Variants in GRIK1 observed in about 807,000 individuals in gnomAD.
GRIK1 encodes glutamate receptor ionotropic, kainate 1.
A neutral mutation model predicts 105.7 loss-of-function variants in GRIK1; 69 were observed. That is an observed-to-expected ratio of 0.65 (90% CI 0.54 to 0.80). The LOEUF is 0.80. Among genes scored for constraint, GRIK1 ranks in the 30% least tolerant of loss-of-function variants. The pLI, the probability that GRIK1 is intolerant of heterozygous loss-of-function variation, is 0.00. For synonymous variants in GRIK1, 438 were observed against 431.3 expected, an observed-to-expected ratio of 1.02 and a Z score of -0.19; for missense variants, 1,109 against 1,167.3, an observed-to-expected ratio of 0.95 and a Z score of 0.73.
At chr21:29,707,870 T>C (rs2063956808) in intron 1 of GRIK1, among the ~76,000 whole-genome samples, 1 of 152,212 alleles carries the variant, frequency 6.6e-6, no homozygotes, top group Non-Finnish European at 1.5e-5. Flanking sequence ...TAATATTTCA[T>C]TGTCTGGATA....
chr21:29,695,127 T>C (rs1363747103), intron 1 of GRIK1, among the ~76,000 whole-genome samples: 1 of 152,228 alleles, frequency 6.6e-6, no homozygotes, highest in Non-Finnish European at 1.5e-5. Flanking sequence ...TCACTGCAAG[T>C]AACAGTACAA....
At chr21:29,859,384 T>C (rs2068568048) in intron 1 of GRIK1, among the ~76,000 whole-genome samples, 1 of 142,300 alleles carries the variant, frequency 7.0e-6, no homozygotes, top group Non-Finnish European at 1.5e-5. Flanking sequence ...ATATATAAAA[T>C]AAAATGAAAT....
At chr21:29,896,544 A>T (rs138488680) in intron 1 of GRIK1, among the ~76,000 whole-genome samples, 4 of 152,364 alleles carry the variant, frequency 2.6e-5, no homozygotes, top group African/African-American at 9.6e-5. Context: ...TTTTGAATGA[A>T]TGAATTTTAT....
At chr21:29,625,692 C>G (rs2062109345) in intron 7 of GRIK1, among the ~76,000 whole-genome samples, 1 of 152,206 alleles carries the variant, frequency 6.6e-6, no homozygotes, top group Admixed American at 6.5e-5. Context: ...GCTTTCATGT[C>G]TCTCTTCATG....
intron 12 of GRIK1, among the ~76,000 whole-genome samples, chr21:29,585,734 A>G (rs973804605): frequency 2.0e-5 from 3 of 152,252 alleles, no homozygotes; most frequent in Non-Finnish European, 4.4e-5. Context: ...ACCTTAGGAT[A>G]GTCATTTATT....
At chr21:29,869,769 G>C (rs145327568) in intron 1 of GRIK1, among the ~76,000 whole-genome samples, 63 of 152,164 alleles carry the variant, frequency 4.1e-4, no homozygotes, top group African/African-American at 1.5e-3. Context: ...TCCATTGTAG[G>C]AAAACATAAA....
intron 1 of GRIK1, among the ~76,000 whole-genome samples, chr21:29,866,497 A>T (rs2068806572): frequency 6.6e-6 from 1 of 152,164 alleles, no homozygotes; most frequent in Admixed American, 6.5e-5. Context: ...AATTTAGCCC[A>T]TTAGTTACTG....
At chr21:29,869,211 T>C (rs1477012132) in intron 1 of GRIK1, among the ~76,000 whole-genome samples, 1 of 152,194 alleles carries the variant, frequency 6.6e-6, no homozygotes, top group Non-Finnish European at 1.5e-5. Context: ...ATATTTTTAC[T>C]GGTCTTTATT....
At position 29,589,597 on chromosome 21, in the gene GRIK1, A is replaced by AT. The variant is rs5843394; in HGVS notation, c.1366-556dup. Among the ~76,000 whole-genome samples the AT allele has an allele frequency of 4.0e-5, 6 of 150,438 alleles. No homozygotes were observed. The East Asian group carries it at 7.9e-4, about 20-fold the overall frequency. ...CCACCACGCCTGACTATTTTTTTGTATTTTTTTTTAGTAGAGACGGGGTTT... is the reference window on the plus strand; with the variant it reads ...CCACCACGCCTGACTATTTTTTTGTATTTTTTTTTTAGTAGAGACGGGGTTT... On this transcript the variant is annotated intron_variant, in intron 10 of 17. Coordinates refer to ENST00000327783, the MANE Select transcript of GRIK1 (RefSeq NM_001330994.2).
At chr21:29,550,576 C>A (rs1263582205) in intron 16 of GRIK1, among the ~76,000 whole-genome samples, 1 of 152,202 alleles carries the variant, frequency 6.6e-6, no homozygotes, top group Non-Finnish European at 1.5e-5. Context: ...AGAGCTTCTA[C>A]TATAGATCTT....
chr21:29,791,792 A>G (rs1197272655), intron 1 of GRIK1, among the ~76,000 whole-genome samples: 1 of 152,202 alleles, frequency 6.6e-6, no homozygotes, highest in Non-Finnish European at 1.5e-5. Flanking sequence ...GGAAGAACCA[A>G]GATGAAATTT....
chr21:29,892,106 T>C (rs2069924592), intron 1 of GRIK1, among the ~76,000 whole-genome samples: 1 of 152,204 alleles, frequency 6.6e-6, no homozygotes, highest in African/African-American at 2.4e-5. Flanking sequence ...TCAGAGTGAT[T>C]CCTTCTGCCT....
chr21:29,712,153 T>C (rs939792219), intron 1 of GRIK1, among the ~76,000 whole-genome samples: 3 of 149,672 alleles, frequency 2.0e-5, no homozygotes, highest in African/African-American at 7.3e-5. Flanking sequence ...TCATACTGCA[T>C]ATAAAATGTT....
intron 7 of GRIK1, among the ~76,000 whole-genome samples, chr21:29,631,994 A>AAG (rs2062285741): frequency 6.6e-6 from 1 of 151,860 alleles, no homozygotes; most frequent in Non-Finnish European, 1.5e-5. Context: ...GAAAAAAAAA[A>AAG]GAGGCAGCCA....
chr21:29,923,720 A>C (rs1225027479), intron 1 of GRIK1, among the ~76,000 whole-genome samples: 2 of 152,322 alleles, frequency 1.3e-5, no homozygotes, highest in Non-Finnish European at 2.9e-5. Flanking sequence ...AAGGTGGGCA[A>C]ATTTGATGTT....
intron 1 of GRIK1, among the ~76,000 whole-genome samples, chr21:29,771,084 C>A (rs562431615): frequency 6.8e-4 from 104 of 152,180 alleles, no homozygotes; most frequent in Non-Finnish European, 1.2e-3. Flanking sequence ...ACATGTAACT[C>A]TATCAAAATA....
chr21:29,793,680 C>T (rs1000934084), intron 1 of GRIK1, among the ~76,000 whole-genome samples: 1 of 152,070 alleles, frequency 6.6e-6, no homozygotes, highest in African/African-American at 2.4e-5. Context: ...TTCAGGTTAA[C>T]TAGAAAGGGC....
At chr21:29,740,725 T>A (rs2064905713) in intron 1 of GRIK1, among the ~76,000 whole-genome samples, 1 of 152,212 alleles carries the variant, frequency 6.6e-6, no homozygotes, top group Non-Finnish European at 1.5e-5. Context: ...CCTTTAATGT[T>A]TGATAGGAAA....
chr21:29,888,805 G>A (rs570273069), intron 1 of GRIK1, among the ~76,000 whole-genome samples: 44 of 152,276 alleles, frequency 2.9e-4, no homozygotes, highest in African/African-American at 1.0e-3. Flanking sequence ...CCACCATCTG[G>A]TCTCCACTAT....
Sources: allele counts gnomAD v4.1 joint callset (sites outside exome capture counted in the v4.1 genomes callset), GRCh38; gene constraint gnomAD v4.1.1; transcripts MANE v1.5; gene names NCBI Gene and HGNC (gene_info 2026-07-23, HGNC 2026-07-21).